Variants in SEMA6D observed in about 807,000 individuals in gnomAD.
SEMA6D encodes semaphorin 6D.
A neutral mutation model predicts 106.6 loss-of-function variants in SEMA6D; 35 were observed. The ratio of observed to expected loss-of-function variants is 0.33; its 90% confidence interval spans 0.25 to 0.44. SEMA6D has a LOEUF of 0.44. Among genes scored for constraint, SEMA6D ranks in the 20% least tolerant of loss-of-function variants. SEMA6D has a pLI of 1.00. For missense variants in SEMA6D, 1,185 were observed against 1,345.9 expected (o/e 0.88, Z 1.87); for synonymous variants, 499 against 487.7 (o/e 1.02, Z -0.31).
chr15:47,677,571 A>G (rs2078271122), intron 4 of SEMA6D, among the ~76,000 whole-genome samples: 1 of 152,350 alleles, frequency 6.6e-6, no homozygotes, highest in Non-Finnish European at 1.5e-5. Flanking sequence ...AATATCTTTG[A>G]AAAAGGCAGT....
intron 4 of SEMA6D, among the ~76,000 whole-genome samples, chr15:47,645,795 C>T (rs2077572109): frequency 6.6e-6 from 1 of 152,126 alleles, no homozygotes; most frequent in Admixed American, 6.6e-5. Context: ...CCCACAACTC[C>T]CTCCTCAGGT....
chr15:47,348,767 T>G (rs1047827664), intron 1 of SEMA6D, among the ~76,000 whole-genome samples: 52 of 53,124 alleles, frequency 9.8e-4, no homozygotes, highest in Middle Eastern at 0.014. Context: ...GAGAGAGAGA[T>G]TTTTTCCTGC....
intron 3 of SEMA6D, among the ~76,000 whole-genome samples, chr15:47,586,036 TACTC>T (rs2076333779): frequency 1.3e-5 from 2 of 152,346 alleles, no homozygotes; most frequent in African/African-American, 4.8e-5. Context: ...AATTCTGTAA[TACTC>T]ACTTCAATAA....
chr15:47,307,401 T>A (rs1165142677), intron 1 of SEMA6D, among the ~76,000 whole-genome samples: 1 of 152,198 alleles, frequency 6.6e-6, no homozygotes, highest in Non-Finnish European at 1.5e-5. Context: ...GGAAACACAC[T>A]TGAAGGATGA....
intron 3 of SEMA6D, among the ~76,000 whole-genome samples, chr15:47,471,931 T>TCACACACACACACACA (rs1168586101): frequency 3.3e-5 from 4 of 121,506 alleles, no homozygotes; most frequent in Admixed American, 8.4e-5. Context: ...TCTCTCTCTC[T>TCACACACACACACACA]CACACACACA....
intron 4 of SEMA6D, among the ~76,000 whole-genome samples, chr15:47,648,963 C>A (rs2077632810): frequency 6.6e-6 from 1 of 152,160 alleles, no homozygotes; most frequent in African/African-American, 2.4e-5. Flanking sequence ...TGAGGACCAA[C>A]TGAATATGTA....
At chr15:47,743,838 G>C (rs930359275) in intron 1 of SEMA6D, among the ~76,000 whole-genome samples, 1 of 152,148 alleles carries the variant, frequency 6.6e-6, no homozygotes, top group African/African-American at 2.4e-5. Flanking sequence ...GGTCCCTCTT[G>C]GCCCCATAGC....
chr15:47,536,407 A>G (rs1255784180), intron 3 of SEMA6D, among the ~76,000 whole-genome samples: 2 of 152,216 alleles, frequency 1.3e-5, no homozygotes, highest in African/African-American at 4.8e-5. Context: ...AAGGGTATCC[A>G]TTCTTATTGG....
At chr15:47,374,785 G>A (rs936831174) in intron 1 of SEMA6D, among the ~76,000 whole-genome samples, 2 of 152,086 alleles carry the variant, frequency 1.3e-5, no homozygotes, top group African/African-American at 4.8e-5. Flanking sequence ...TACTCCTAAC[G>A]TCTAAATCTC....
At chr15:47,552,817 AATATATATATTTTTATATATATAT>A (rs1566882391) in intron 3 of SEMA6D, among the ~76,000 whole-genome samples, 157 of 13,400 alleles carry the variant, frequency 0.012, 4 homozygotes, top group Admixed American at 0.025. Context: ...AATATATATA[AATATATATATTTTTATATATATAT>A]AAATATATAT....
intron 1 of SEMA6D, among the ~76,000 whole-genome samples, chr15:47,738,103 A>C (rs982990118): frequency 2.0e-5 from 3 of 151,052 alleles, no homozygotes; most frequent in African/African-American, 7.3e-5. Context: ...TACATGTGCC[A>C]TGGTGGTTTG....
chr15:47,739,874 C>T (rs1248207824), intron 1 of SEMA6D, among the ~76,000 whole-genome samples: 1 of 152,126 alleles, frequency 6.6e-6, no homozygotes, highest in African/African-American at 2.4e-5. Flanking sequence ...ACACAATAAC[C>T]ATAATAATAG....
intron 4 of SEMA6D, among the ~76,000 whole-genome samples, chr15:47,645,501 G>T (rs2144821357): frequency 6.6e-6 from 1 of 152,152 alleles, no homozygotes; most frequent in Admixed American, 6.5e-5. Context: ...AACAAAGTTG[G>T]AGTTTTTTTT....
intron 3 of SEMA6D, among the ~76,000 whole-genome samples, chr15:47,496,099 C>G (rs962699757): frequency 6.6e-6 from 1 of 151,992 alleles, no homozygotes; most frequent in Non-Finnish European, 1.5e-5. Flanking sequence ...CATTAAACTT[C>G]TTTTTTAGGT....
intron 3 of SEMA6D, among the ~76,000 whole-genome samples, chr15:47,539,088 T>G: frequency 6.6e-6 from 1 of 152,178 alleles, no homozygotes; most frequent in East Asian, 1.9e-4. Flanking sequence ...CCGGACAAGG[T>G]GTTAGAAAGC....
chr15:47,477,086 C>G (rs1231113475), intron 3 of SEMA6D, among the ~76,000 whole-genome samples: 1 of 152,162 alleles, frequency 6.6e-6, no homozygotes, highest in Non-Finnish European at 1.5e-5. Context: ...AATGTATTGA[C>G]TAGATTCACA....
chr15:47,552,826 A>AT (rs71118185), intron 3 of SEMA6D, among the ~76,000 whole-genome samples: 933 of 51,570 alleles, frequency 0.018, 103 homozygotes, highest in East Asian at 0.032. Flanking sequence ...AAATATATAT[A>AT]TTTTTATATA....
At chr15:47,472,341 C>A (rs1337701726) in intron 3 of SEMA6D, among the ~76,000 whole-genome samples, 1 of 152,186 alleles carries the variant, frequency 6.6e-6, no homozygotes, top group African/African-American at 2.4e-5. Context: ...TCACTTATTG[C>A]ACTACTGGCA....
Position 47,194,071 on chromosome 15 carries a change from A to G in SEMA6D, c.-239+9653A>G, listed in dbSNP as rs142836280. Among the ~76,000 whole-genome samples the G allele has an allele frequency of 9.8e-5, 14 of 143,094 alleles. No homozygotes were observed. The South Asian group carries it at 1.0e-3, about 10-fold the overall frequency. The allele number at this position is 143,094 out of a possible 152,430, so 93.9% of individuals were successfully genotyped here. On this transcript the variant is annotated intron_variant, in intron 1 of 19. Transcript: ENST00000558014. ...ATTGGGTGAGTGGGTAGGTGGATGG[A>G]TGGATGGGTGGATGGGTGGATGGGT...
Sources: gnomAD v4.1 joint callset for allele counts (sites outside exome capture counted in the v4.1 genomes callset) on GRCh38, gnomAD v4.1.1 for gene constraint, MANE v1.5 for transcripts, NCBI Gene and HGNC (gene_info 2026-07-23, HGNC 2026-07-21) for gene names.